Variants in MYOM1 observed in about 807,000 individuals in gnomAD.
The protein encoded by MYOM1 is myomesin 1.
Under a neutral mutation model 205.3 loss-of-function variants are expected in MYOM1, and 164 were observed. The observed-to-expected ratio is 0.80, with a 90% CI of 0.70 to 0.91. The LOEUF (loss-of-function observed/expected upper bound fraction) is 0.91. Among genes scored for constraint, MYOM1 ranks in the 40% least tolerant of loss-of-function variants. MYOM1 has a pLI of 0.00. For synonymous variants in MYOM1, 772 were observed against 789.4 expected (o/e 0.98, Z 0.37); for missense variants, 2,011 against 2,127.3 (o/e 0.95, Z 1.08).
the MYOM1 span, among the ~76,000 whole-genome samples, chr18:3,242,498 A>T: frequency 1.3e-5 from 2 of 152,098 alleles, no homozygotes; most frequent in African/African-American, 2.4e-5. Flanking sequence ...TAAATTACCC[A>T]GTCTCAGGTA....
chr18:3,226,945 T>C, the MYOM1 span, among the ~76,000 whole-genome samples: 1 of 152,252 alleles, frequency 6.6e-6, no homozygotes, highest in Middle Eastern at 3.4e-3. This position sits in a 1 kb window ranked among gnomAD's most constrained non-coding sequence, Gnocchi z 4.6. Context: ...CCTCTTAACC[T>C]GCGTGTGAGG....
At chr18:3,079,483 C>T (rs2079060131) in intron 33 of MYOM1, 141 bp from the exon 34 acceptor site, 1 of 948,078 alleles carries the variant, frequency 1.1e-6, no homozygotes, top group Non-Finnish European at 1.5e-6. Context: ...TCTTCTGCTT[C>T]AGAAAAATTA....
Position 3,135,729 on chromosome 18 carries a change from C to T in MYOM1, c.2027G>A (p.Cys676Tyr). 4.3e-6 allele frequency: 7 copies of T among 1,613,812 alleles called. No homozygotes were observed. Among genetic ancestry groups the T allele is most frequent in the Non-Finnish European group, 5.9e-6 (7 of 1,179,834 alleles). The stretch of plus-strand genomic sequence containing the variant: ...CTGCCAGTTTTCTGTTCCTGCCTCA[C>T]ACTGCAGCAAGAACAGGGAAACCCA... Reference protein sequence around the residue: ...HEGIMYFVEKCEAGTENWQRV... With the variant: ...HEGIMYFVEKYEAGTENWQRV... Residue 676 changes from cysteine (C) to tyrosine (Y), a missense_variant and splice_region_variant, in exon 15 of 38, where the codon TGT (cysteine) becomes TAT (tyrosine). By Grantham distance (194) the Cys-to-Tyr change is radical (BLOSUM62 -2). Transcript: ENST00000356443. The surrounding 1 kb of genome is among the most constrained non-coding windows in gnomAD (Gnocchi z 4.1).
chr18:3,230,422 G>A, the MYOM1 span, among the ~76,000 whole-genome samples: 1 of 152,212 alleles, frequency 6.6e-6, no homozygotes, highest in Non-Finnish European at 1.5e-5. Context: ...GCAACCTCCC[G>A]TTTTCTGAGT....
At chr18:3,068,528 C>A (rs769572606) in intron 37 of MYOM1, among the ~76,000 whole-genome samples, 12 of 152,164 alleles carry the variant, frequency 7.9e-5, no homozygotes, top group Non-Finnish European at 1.6e-4. Context: ...CCACACCCAC[C>A]TCTCCTCCAA....
At chr18:3,109,608 T>C (rs2079497391) in intron 22 of MYOM1, among the ~76,000 whole-genome samples, 1 of 152,176 alleles carries the variant, frequency 6.6e-6, no homozygotes, top group Non-Finnish European at 1.5e-5. Flanking sequence ...GTGAAGAACT[T>C]AACTAAGATC....
chr18:3,091,935 A>G (rs2143717041), intron 26 of MYOM1, among the ~76,000 whole-genome samples: 1 of 152,096 alleles, frequency 6.6e-6, no homozygotes, highest in Non-Finnish European at 1.5e-5. Flanking sequence ...TTTTACCATG[A>G]TGGCCAGGCT....
In MYOM1 at chr18:3,088,962, A is replaced by T. The variant is rs139634953; in HGVS notation, c.4137+212T>A. On this transcript the variant is annotated intron_variant, in intron 29 of 37. Transcript: ENST00000356443. ...GTTACTAACTAGATCATGAGTAGTG[A>T]CTAGGAATGATCACCTTGCCTTGTC... Among the ~76,000 whole-genome samples the T allele has an allele frequency of 5.9e-5, 9 of 152,352 alleles. 1 individual carries two copies. Among genetic ancestry groups the T allele is most frequent in the Middle Eastern group, 3.4e-3 (1 of 294 alleles).
chr18:3,221,759 C>T (rs2081332495), upstream of MYOM1, among the ~76,000 whole-genome samples: 1 of 152,196 alleles, frequency 6.6e-6, no homozygotes, highest in Non-Finnish European at 1.5e-5. Context: ...TAGTTCTGAT[C>T]CAGGTACCTG....
chr18:3,238,382 G>T, the MYOM1 span, among the ~76,000 whole-genome samples: 1 of 152,042 alleles, frequency 6.6e-6, no homozygotes, highest in Non-Finnish European at 1.5e-5. Context: ...GGGGGAGGGG[G>T]GAGGCAGGGG....
chr18:3,204,343 C>T (rs2081105523), intron 2 of MYOM1, among the ~76,000 whole-genome samples: 1 of 151,770 alleles, frequency 6.6e-6, no homozygotes, highest in Admixed American at 6.6e-5. Flanking sequence ...AAAATACACA[C>T]AAAAATTGTT....
chr18:3,197,439 A>G (rs1431184219), intron 2 of MYOM1, among the ~76,000 whole-genome samples: 2 of 152,088 alleles, frequency 1.3e-5, no homozygotes, highest in African/African-American at 2.4e-5. Flanking sequence ...AGTACTCTCA[A>G]TTTAAAAAAA....
rs754680864 is a variant in MYOM1 at position 3,193,900 on chromosome 18, T to C, written c.349A>G (p.Lys117Glu). 6 of 1,613,810 alleles carry C rather than the reference T, an allele frequency of 3.7e-6. No homozygotes were observed. The African/African-American group carries it at 8.0e-5, about 22-fold the overall frequency. The change falls in exon 3 of 38, where the codon AAG (lysine) becomes GAG (glutamate). Residue 117 changes from lysine (K) to glutamate (E), a missense_variant. Lys to Glu is a moderately conservative substitution (Grantham distance 56). Coordinates refer to ENST00000356443, the MANE Select transcript of MYOM1 (RefSeq NM_003803.4). ...DYSSKLSPKP[K>E]RAKHSLLSGE... Reference sequence around the variant, plus strand: ...GACAGTAGGCTGTGCTTGGCTCTCTTTGGTTTGGGGCTCAACTTGGATGAA... The same window carrying C: ...GACAGTAGGCTGTGCTTGGCTCTCTCTGGTTTGGGGCTCAACTTGGATGAA...
At chr18:3,118,272 G>T (rs766533266) in intron 20 of MYOM1, among the ~76,000 whole-genome samples, 1 of 152,176 alleles carries the variant, frequency 6.6e-6, no homozygotes, top group Non-Finnish European at 1.5e-5. Context: ...CAGGGTGTCA[G>T]GAGGGTGGAG....
rs1190459631 is a variant in MYOM1 at position 3,168,927 on chromosome 18, T to G, written c.1229A>C (p.Lys410Thr). ...ASRFEIHFDD[K>T]FDVSFGREGE... ...CTCTCTCCCAAAAGACACATCAAAT[T>G]TGTCATCAAAGTGGATCTCAAACCG... Residue 410 changes from lysine (K) to threonine (T), a missense_variant, in exon 9 of 38, where the codon AAA (lysine) becomes ACA (threonine). Transcript: ENST00000356443. 6.8e-6 allele frequency: 11 copies of G among 1,613,794 alleles called. No individual in the cohort carries two copies. The East Asian group carries it at 2.2e-4, about 33-fold the overall frequency.
At chr18:3,238,573 G>A in the MYOM1 span, among the ~76,000 whole-genome samples, 3 of 152,158 alleles carry the variant, frequency 2.0e-5, no homozygotes, top group East Asian at 3.8e-4. Flanking sequence ...GACAACAGCT[G>A]AAGCGAGTTT....
intron 2 of MYOM1, 57 bp from the exon 3 acceptor site, chr18:3,194,015 A>C (rs199845578): frequency 1.3e-6 from 2 of 1,565,798 alleles, no homozygotes; most frequent in East Asian, 4.5e-5. Flanking sequence ...ACAATATTCA[A>C]AATACGATAG....
chr18:3,104,250 T>C (rs192740744), intron 22 of MYOM1, among the ~76,000 whole-genome samples: 2 of 152,332 alleles, frequency 1.3e-5, no homozygotes, highest in African/African-American at 4.8e-5. Flanking sequence ...AATATACAGT[T>C]TGTGTGACTG....
In MYOM1 at chr18:3,149,144, C is replaced by A; in HGVS notation, c.1900+1G>T. On this transcript the variant is annotated splice_donor_variant, in intron 13 of 37. Transcript: ENST00000356443. LOFTEE classifies it high-confidence loss of function. ...GTATCTGGGGCAACCAGACTTCTTA[C>A]CTGAAGGTTCCTCTTCAGTAACAAT... is the stretch of plus-strand genomic sequence containing the variant. The A allele has an allele frequency of 6.2e-7, 1 of 1,613,716 alleles. No individual in the cohort carries two copies. Among genetic ancestry groups the A allele is most frequent in the Non-Finnish European group, 8.5e-7 (1 of 1,179,664 alleles).
Sources: allele counts gnomAD v4.1 joint callset (sites outside exome capture counted in the v4.1 genomes callset), GRCh38; gene constraint gnomAD v4.1.1; non-coding constraint Gnocchi (gnomAD v3.1); transcripts MANE v1.5; gene names NCBI Gene and HGNC (gene_info 2026-07-23, HGNC 2026-07-21).